FZD1: variants seen among roughly 807,000 people sequenced by gnomAD.
FZD1 encodes the protein frizzled class receptor 1, also known as frizzled-1.
Under a neutral mutation model 48.0 loss-of-function variants are expected in FZD1, and 22 were observed. The observed-to-expected ratio is 0.46, with a 90% CI of 0.33 to 0.65. The LOEUF is 0.65. Ranked by LOEUF, FZD1 falls within the 30% of genes least tolerant of loss-of-function variation. FZD1 has a pLI of 0.02. For missense variants in FZD1, 843 were observed against 898.1 expected (o/e 0.94, Z 0.78); for synonymous variants, 486 against 409.6 (o/e 1.19, Z -2.25).
At position 91,265,668 on chromosome 7, in the gene FZD1, CG is replaced by C; in HGVS notation, c.794del (p.Gly265AlafsTer143). On this transcript the variant is annotated frameshift_variant, in exon 1 of 1. Transcript: ENST00000287934. LOFTEE classifies it high-confidence loss of function. This position sits in a 1 kb window ranked among gnomAD's most constrained non-coding sequence, Gnocchi z 6.9. ...HGGGGHRGGF[P>X]GGAGASERGK... ...GGCGGAGGGCACCGTGGCGGCTTCC[CG>C]GGGGGCGCCGGCGCGTCGGAGCGAG... is the stretch of plus-strand genomic sequence containing the variant. The C allele has an allele frequency of 6.4e-7, 1 of 1,565,410 alleles. No homozygotes were observed. Among genetic ancestry groups the C allele is most frequent in the Non-Finnish European group, 8.6e-7 (1 of 1,158,732 alleles).
rs760817430 is a variant in FZD1 at position 91,265,639 on chromosome 7, C to T, written c.759C>T (p.His253=). Residue 253 remains histidine, a synonymous_variant, in exon 1 of 1, where the codon CAC becomes CAT. Coordinates refer to ENST00000287934, the MANE Select transcript of FZD1 (RefSeq NM_003505.2). This position sits in a 1 kb window ranked among gnomAD's most constrained non-coding sequence, Gnocchi z 6.9. The part of the protein sequence containing the change: ...LPEFWTSNPQ[H]GGGGHRGGFP... ...AGTTCTGGACCAGCAACCCTCAGCACGGCGGCGGAGGGCACCGTGGCGGCT... is the reference window on the plus strand; with the variant it reads ...AGTTCTGGACCAGCAACCCTCAGCATGGCGGCGGAGGGCACCGTGGCGGCT... The T allele has an allele frequency of 2.5e-6, 4 of 1,582,770 alleles. No homozygotes were observed. The highest frequency in any genetic ancestry group is 3.4e-6 in the Non-Finnish European group (4 of 1,165,604).
In FZD1 at chr7:91,271,145, A is replaced by G. The variant is rs1803962486; in HGVS notation, c.*4321A>G. Reference sequence around the variant, plus strand: ...ATGTTGGCAGATGCCAATAGCCCTTAACATTTGAAAAATGGTACTTGAACA... The same window carrying G: ...ATGTTGGCAGATGCCAATAGCCCTTGACATTTGAAAAATGGTACTTGAACA... On this transcript the variant is annotated 3_prime_UTR_variant, in exon 1 of 1. Transcript: ENST00000287934. 2.4e-5 allele frequency: 4 copies of G among 167,110 alleles called. No individual in the cohort carries two copies. Among genetic ancestry groups the G allele is most frequent in the African/African-American group, 9.6e-5 (4 of 41,472 alleles). The allele number at this position is 167,110 out of a possible 1,614,324, so 10.4% of individuals were successfully genotyped here. A position where few individuals can be genotyped will look rare whatever the true frequency, so the allele number is the denominator to read the frequency against.
Position 91,271,221 on chromosome 7 carries a change from T to C in FZD1, c.*4397T>C, listed in dbSNP as rs185937152. On this transcript the variant is annotated 3_prime_UTR_variant, in exon 1 of 1. Coordinates refer to ENST00000287934, the MANE Select transcript of FZD1 (RefSeq NM_003505.2). ...AACTTTTTGGGCTTAAATATTTTTA[T>C]TCATTTTGGTCATACCTTTGACAAT... 3.7e-3 allele frequency: 620 copies of C among 167,220 alleles called. 4 individuals carry two copies. Among genetic ancestry groups the C allele is most frequent in the Non-Finnish European group, 6.8e-3 (466 of 68,106 alleles). 10.4% of individuals were successfully genotyped at this position (167,220 alleles called of 1,614,324 possible).
rs752492991 is a variant in FZD1, at chr7:91,265,724, G to A, written c.844G>A (p.Val282Met). Residue 282 changes from valine (V) to methionine (M), a missense_variant, in exon 1 of 1, where the codon GTG becomes ATG. By Grantham distance (21) the Val-to-Met change is conservative. Coordinates refer to ENST00000287934, the MANE Select transcript of FZD1 (RefSeq NM_003505.2). This position sits in a 1 kb window ranked among gnomAD's most constrained non-coding sequence, Gnocchi z 6.9. ...GTTCTCCTGCCCGCGCGCCCTCAAGGTGCCCTCCTACCTCAACTACCACTT... is the reference window on the plus strand; with the variant it reads ...GTTCTCCTGCCCGCGCGCCCTCAAGATGCCCTCCTACCTCAACTACCACTT... Reference protein sequence around the residue: ...GKFSCPRALKVPSYLNYHFLG... With the variant: ...GKFSCPRALKMPSYLNYHFLG... 6.2e-7 allele frequency: 1 copy of A among 1,610,266 alleles called. No homozygotes were observed. Among genetic ancestry groups the A allele is most frequent in the Admixed American group, 1.7e-5 (1 of 59,666 alleles).
In FZD1 at chr7:91,264,593, G is replaced by A; in HGVS notation, c.-288G>A. The A allele has an allele frequency of 2.7e-6, 1 of 372,344 alleles. No homozygotes were observed. Among genetic ancestry groups the A allele is most frequent in the Non-Finnish European group, 4.8e-6 (1 of 209,042 alleles). 23.1% of individuals were successfully genotyped at this position (372,344 alleles called of 1,614,324 possible). ...CTACGGGGCCGCGGCCACTAGCGCG[G>A]CGCCGCCAGCCGGGAGCCAGCGAGC... On this transcript the variant is annotated 5_prime_UTR_variant, in exon 1 of 1. Coordinates refer to ENST00000287934, the MANE Select transcript of FZD1 (RefSeq NM_003505.2).
chr7:91,265,723 G>C lies in FZD1; in HGVS notation c.843G>C (p.Lys281Asn). 6.2e-7 allele frequency: 1 copy of C among 1,610,112 alleles called. No homozygotes were observed. Among genetic ancestry groups the C allele is most frequent in the Non-Finnish European group, 8.5e-7 (1 of 1,178,342 alleles). The change falls in exon 1 of 1, where the codon AAG (lysine) becomes AAC (asparagine). Residue 281 changes from lysine (K) to asparagine (N), a missense_variant. Coordinates refer to ENST00000287934, the MANE Select transcript of FZD1 (RefSeq NM_003505.2). This position sits in a 1 kb window ranked among gnomAD's most constrained non-coding sequence, Gnocchi z 6.9. ...AGTTCTCCTGCCCGCGCGCCCTCAA[G>C]GTGCCCTCCTACCTCAACTACCACT... ...RGKFSCPRAL[K>N]VPSYLNYHFL...
Position 91,266,914 on chromosome 7 carries a change from C to T in FZD1, c.*90C>T, listed in dbSNP as rs536703453. Reference sequence around the variant, plus strand: ...GTGGAGTTCGTGCCAATCCTGACATCTCGAGGTTTCCTCACTAGACAACTC... The same window carrying T: ...GTGGAGTTCGTGCCAATCCTGACATTTCGAGGTTTCCTCACTAGACAACTC... On this transcript the variant is annotated 3_prime_UTR_variant, in exon 1 of 1. Coordinates refer to ENST00000287934, the MANE Select transcript of FZD1 (RefSeq NM_003505.2). The surrounding 1 kb of genome is among the most constrained non-coding windows in gnomAD (Gnocchi z 6.8). 4 of 829,616 alleles carry T rather than the reference C, an allele frequency of 4.8e-6. No individual in the cohort carries two copies. In the Admixed American group the frequency reaches 7.1e-5, roughly 15 times the overall value. 51.4% of individuals were successfully genotyped at this position (829,616 alleles called of 1,614,324 possible).
rs202150739 is a variant in FZD1 at position 91,265,993 on chromosome 7, C to T, written c.1113C>T (p.Ala371=). 121 of 1,614,148 alleles carry T rather than the reference C, an allele frequency of 7.5e-5. 2 individuals are homozygous for T. The East Asian group carries it at 9.6e-4, about 13-fold the overall frequency. ...CGGCCGTGGCCGTGGCCTACATCGC[C>T]GGCTTCCTCCTGGAAGACCGAGTGG... ...CYTAVAVAYI[A]GFLLEDRVVC... is the part of the protein sequence containing the mutation. The change falls in exon 1 of 1, where the codon GCC becomes GCT. Residue 371 remains alanine, a synonymous_variant. Coordinates refer to ENST00000287934, the MANE Select transcript of FZD1 (RefSeq NM_003505.2). The surrounding 1 kb of genome is among the most constrained non-coding windows in gnomAD (Gnocchi z 6.9).
In FZD1 at chr7:91,265,486, G is replaced by A; in HGVS notation, c.606G>A (p.Met202Ile). The change falls in exon 1 of 1, where the codon ATG (methionine) becomes ATA (isoleucine). Residue 202 changes from methionine (M) to isoleucine (I), a missense_variant. Met to Ile is a conservative substitution (Grantham distance 10, BLOSUM62 1). This residue lies in a region of FZD1 where 490 missense variants were observed against 466.5 expected (regional missense o/e 1.05). Coordinates refer to ENST00000287934, the MANE Select transcript of FZD1 (RefSeq NM_003505.2). The surrounding 1 kb of genome is among the most constrained non-coding windows in gnomAD (Gnocchi z 6.9). ...CGCGCCAGGGCTGCGAGGCGCTCAT[G>A]AACAAGTTCGGCTTCCAGTGGCCAG... ...ERARQGCEAL[M>I]NKFGFQWPDT... The A allele has an allele frequency of 1.9e-6, 3 of 1,612,998 alleles. No homozygotes were observed. The highest frequency in any genetic ancestry group is 2.5e-6 in the Non-Finnish European group (3 of 1,179,798).
Position 91,265,539 on chromosome 7 carries a change from T to C in FZD1, c.659T>C (p.Val220Ala). 3.1e-6 allele frequency: 5 copies of C among 1,611,600 alleles called. No individual in the cohort carries two copies. Among genetic ancestry groups the C allele is most frequent in the Non-Finnish European group, 4.2e-6 (5 of 1,179,768 alleles). ...ACGCTCAAGTGTGAGAAGTTCCCGG[T>C]GCACGGCGCCGGCGAGCTGTGCGTG... is the stretch of plus-strand genomic sequence containing the variant. ...PDTLKCEKFP[V>A]HGAGELCVGQ... Residue 220 changes from valine (V) to alanine (A), a missense_variant, in exon 1 of 1, where the codon GTG becomes GCG. This residue lies in a region of FZD1 where 490 missense variants were observed against 466.5 expected (regional missense o/e 1.05). Coordinates refer to ENST00000287934, the MANE Select transcript of FZD1 (RefSeq NM_003505.2). This position sits in a 1 kb window ranked among gnomAD's most constrained non-coding sequence, Gnocchi z 6.9.
Position 91,268,841 on chromosome 7 carries a change from C to G in FZD1, c.*2017C>G, listed in dbSNP as rs1055967984. The G allele has an allele frequency of 6.0e-6, 1 of 166,872 alleles. No individual in the cohort carries two copies. Among genetic ancestry groups the G allele is most frequent in the African/African-American group, 2.4e-5 (1 of 41,406 alleles). The allele number at this position is 166,872 out of a possible 1,614,324, so 10.3% of individuals were successfully genotyped here. A position where few individuals can be genotyped will look rare whatever the true frequency, so the allele number is the denominator to read the frequency against. On this transcript the variant is annotated 3_prime_UTR_variant, in exon 1 of 1. Coordinates refer to ENST00000287934, the MANE Select transcript of FZD1 (RefSeq NM_003505.2). ...CAGGAATTCAATGAAAAAAGTCTAC[C>G]CTTAAACCCTCAGATCAGTCTTTCC...
At position 91,270,246 on chromosome 7, in the gene FZD1, G is replaced by A. The variant is rs1314394392; in HGVS notation, c.*3422G>A. On this transcript the variant is annotated 3_prime_UTR_variant, in exon 1 of 1. Coordinates refer to ENST00000287934, the MANE Select transcript of FZD1 (RefSeq NM_003505.2). ...CACAGTGTACTTAATTTAGCTTTTG[G>A]AGTAAATATATAAGTAGTATGAAAG... 1 of 166,854 alleles carries A rather than the reference G, an allele frequency of 6.0e-6. No individual in the cohort carries two copies. Among genetic ancestry groups the A allele is most frequent in the African/African-American group, 2.4e-5 (1 of 41,368 alleles). The allele number at this position is 166,854 out of a possible 1,614,324, so 10.3% of individuals were successfully genotyped here.
Position 91,265,846 on chromosome 7 carries a change from G to T in FZD1, c.966G>T (p.Trp322Cys), listed in dbSNP as rs1803870212. 1.2e-6 allele frequency: 2 copies of T among 1,613,940 alleles called. No individual in the cohort carries two copies. Among genetic ancestry groups the T allele is most frequent in the Admixed American group, 1.7e-5 (1 of 60,016 alleles). ...GPEELRFSRT[W>C]IGIWSVLCCA... ...AGGAGCTGCGCTTCTCGCGCACCTG[G>T]ATTGGCATTTGGTCAGTGCTGTGCT... Residue 322 changes from tryptophan (W) to cysteine (C), a missense_variant, in exon 1 of 1, where the codon TGG becomes TGT. Trp to Cys is a radical substitution (Grantham distance 215). Around this residue, in one of 2 missense-constraint regions of FZD1, gnomAD observed 490 missense variants for 466.5 expected, o/e 1.05. Transcript: ENST00000287934. The surrounding 1 kb of genome is among the most constrained non-coding windows in gnomAD (Gnocchi z 6.9).
rs1157366523 is a variant in FZD1 at position 91,266,323 on chromosome 7, TAAC to T, written c.1447_1449del (p.Asn483del). On this transcript the variant is annotated inframe_deletion, in exon 1 of 1. Coordinates refer to ENST00000287934, the MANE Select transcript of FZD1 (RefSeq NM_003505.2). This position sits in a 1 kb window ranked among gnomAD's most constrained non-coding sequence, Gnocchi z 6.8. ...TGAGCGGAGTGTGCTTCGTGGGGCT[TAAC>T]AACGTGGACGCGCTGCGTGGCTTCG... 3 of 1,614,022 alleles carry T rather than the reference TAAC, an allele frequency of 1.9e-6. No individual in the cohort carries two copies. The highest frequency in any genetic ancestry group is 2.7e-5 in the African/African-American group (2 of 74,938).
In FZD1 at chr7:91,266,641, C is replaced by T. The variant is rs780618934; in HGVS notation, c.1761C>T (p.Gly587=). 4 of 1,610,438 alleles carry T rather than the reference C, an allele frequency of 2.5e-6. No individual in the cohort carries two copies. The highest frequency in any genetic ancestry group is 2.7e-5 in the African/African-American group (2 of 74,926). The change falls in exon 1 of 1, where the codon GGC becomes GGT. Residue 587 remains glycine (G), a synonymous_variant. Coordinates refer to ENST00000287934, the MANE Select transcript of FZD1 (RefSeq NM_003505.2). The surrounding 1 kb of genome is among the most constrained non-coding windows in gnomAD (Gnocchi z 6.8). ...TCCCCTGCCCTCACCTCCAGGCGGG[C>T]GGAGGCGCCCCGCCGCACCCGCCCA... The part of the protein sequence containing the change: ...YAIPCPHLQA[G]GGAPPHPPMS...
Position 91,265,624 on chromosome 7 carries a change from C to G in FZD1, c.744C>G (p.Thr248=). Residue 248 remains threonine (T), a synonymous_variant, in exon 1 of 1, where the codon ACC becomes ACG. Coordinates refer to ENST00000287934, the MANE Select transcript of FZD1 (RefSeq NM_003505.2). This position sits in a 1 kb window ranked among gnomAD's most constrained non-coding sequence, Gnocchi z 6.9. ...CCTCGCTGCTTCCAGAGTTCTGGAC[C>G]AGCAACCCTCAGCACGGCGGCGGAG... is the stretch of plus-strand genomic sequence containing the variant. ...PTPSLLPEFW[T]SNPQHGGGGH... 1 of 1,598,510 alleles carries G rather than the reference C, an allele frequency of 6.3e-7. No individual in the cohort carries two copies. The highest frequency in any genetic ancestry group is 2.2e-5 in the East Asian group (1 of 44,464).
Position 91,266,238 on chromosome 7 carries a change from C to G in FZD1, c.1358C>G (p.Ala453Gly). 1 of 1,614,142 alleles carries G rather than the reference C, an allele frequency of 6.2e-7. No homozygotes were observed. The highest frequency in any genetic ancestry group is 8.5e-7 in the Non-Finnish European group (1 of 1,180,014). The change falls in exon 1 of 1, where the codon GCT (alanine) becomes GGT (glycine). Residue 453 changes from alanine (A) to glycine (G), a missense_variant. This residue lies in a region of FZD1 where 353 missense variants were observed against 431.6 expected (regional missense o/e 0.82). Coordinates refer to ENST00000287934, the MANE Select transcript of FZD1 (RefSeq NM_003505.2). The surrounding 1 kb of genome is among the most constrained non-coding windows in gnomAD (Gnocchi z 6.8). ...CAGTATTTTCACCTGGCCGCCTGGGCTGTGCCGGCCATCAAGACCATCACC... is the reference window on the plus strand; with the variant it reads ...CAGTATTTTCACCTGGCCGCCTGGGGTGTGCCGGCCATCAAGACCATCACC... ...NSQYFHLAAW[A>G]VPAIKTITIL...
chr7:91,265,707 G>T lies in FZD1; in HGVS notation c.827G>T (p.Cys276Phe), dbSNP rs1489639706. 2 of 1,603,284 alleles carry T rather than the reference G, an allele frequency of 1.2e-6. No individual in the cohort carries two copies. Among genetic ancestry groups the T allele is most frequent in the East Asian group, 2.3e-5 (1 of 44,358 alleles). The change falls in exon 1 of 1, where the codon TGC (cysteine) becomes TTC (phenylalanine). Residue 276 changes from cysteine to phenylalanine, a missense_variant. Cys to Phe is a radical substitution (Grantham distance 205, BLOSUM62 -2). Transcript: ENST00000287934. This position sits in a 1 kb window ranked among gnomAD's most constrained non-coding sequence, Gnocchi z 6.9. ...AGASERGKFS[C>F]PRALKVPSYL... ...GCGTCGGAGCGAGGCAAGTTCTCCT[G>T]CCCGCGCGCCCTCAAGGTGCCCTCC...
Position 91,266,278 on chromosome 7 carries a change from C to G in FZD1, c.1398C>G (p.Gly466=). 6.2e-7 allele frequency: 1 copy of G among 1,614,124 alleles called. No individual in the cohort carries two copies. The highest frequency in any genetic ancestry group is 1.3e-5 in the African/African-American group (1 of 75,062). The change falls in exon 1 of 1, where the codon GGC becomes GGG. Residue 466 remains glycine (G), a synonymous_variant. Coordinates refer to ENST00000287934, the MANE Select transcript of FZD1 (RefSeq NM_003505.2). The surrounding 1 kb of genome is among the most constrained non-coding windows in gnomAD (Gnocchi z 6.8). ...AGACCATCACCATCCTGGCGCTGGG[C>G]CAGGTGGACGGCGATGTGCTGAGCG... is the stretch of plus-strand genomic sequence containing the variant. The part of the protein sequence containing the change: ...AIKTITILAL[G]QVDGDVLSGV...
Sources: gnomAD v4.1 joint callset for allele counts on GRCh38, gnomAD v4.1.1 for gene constraint, gnomAD v4.1.1 regional missense constraint, Gnocchi (gnomAD v3.1) non-coding constraint, MANE v1.5 for transcripts, NCBI Gene and HGNC (gene_info 2026-07-23, HGNC 2026-07-21) for gene names.